Variants in WSCD1 observed in about 807,000 individuals in gnomAD.
The protein encoded by WSCD1 is WSC domain sialate O sulfotransferase 1, also known as sialate:O-sulfotransferase 1.
WSCD1 carries 41 observed loss-of-function variants against 60.4 expected under a neutral mutation model. The ratio of observed to expected loss-of-function variants is 0.68; its 90% CI spans 0.53 to 0.88. WSCD1 has a LOEUF of 0.88. Ranked by LOEUF, WSCD1 falls within the 40% of genes least tolerant of loss-of-function variation. WSCD1 has a pLI of 0.00. For synonymous variants in WSCD1, 361 were observed against 332.5 expected (o/e 1.09, Z -0.93); for missense variants, 784 against 796.2 (o/e 0.98, Z 0.18).
At position 6,109,906 on chromosome 17, in the gene WSCD1, A is replaced by G. The variant is rs376113742; in HGVS notation, c.1009+140A>G. 4.2e-6 allele frequency: 5 copies of G among 1,188,682 alleles called. No individual in the cohort carries two copies. In the African/African-American group the frequency reaches 4.6e-5, roughly 11 times the overall value. The allele number at this position is 1,188,682 out of a possible 1,614,324, so 73.6% of individuals were successfully genotyped here. ...TCTGTGTAAAGGTCTTGGCATCTTG[A>G]TGGGTGTTGGAGATAATGGGGAGGG... On this transcript the variant is annotated intron_variant, in intron 6 of 8. Coordinates refer to ENST00000317744, the MANE Select transcript of WSCD1 (RefSeq NM_015253.2).
Position 6,080,889 on chromosome 17 carries a change from C to A in WSCD1, c.231C>A (p.Val77=). Residue 77 remains valine, a synonymous_variant, in exon 2 of 9, where the codon GTC becomes GTA. Transcript: ENST00000317744. The surrounding 1 kb of genome is among the most constrained non-coding windows in gnomAD (Gnocchi z 6.6). ...LDSRALHDPR[V]SPELLLGVDM... is the part of the protein sequence containing the mutation. ...GCAGAGCCCTGCACGACCCTCGAGT[C>A]AGCCCAGAGCTGCTGCTGGGTGTGG... is the stretch of plus-strand genomic sequence containing the variant. 6.2e-7 allele frequency: 1 copy of A among 1,601,536 alleles called. No individual in the cohort carries two copies. Among genetic ancestry groups the A allele is most frequent in the South Asian group, 1.1e-5 (1 of 89,770 alleles).
At chr17:6,072,158 G>A (rs1432655043) in intron 1 of WSCD1, among the ~76,000 whole-genome samples, 2 of 152,266 alleles carry the variant, frequency 1.3e-5, no homozygotes, top group Admixed American at 1.3e-4. Context: ...ATGGGGTACT[G>A]CCCTGTGGCC....
At chr17:6,092,906 C>A (rs1213458190) in intron 4 of WSCD1, among the ~76,000 whole-genome samples, 1 of 149,004 alleles carries the variant, frequency 6.7e-6, no homozygotes, top group Non-Finnish European at 1.5e-5. Flanking sequence ...GGCTGTGGAG[C>A]CCCCCGTGAG....
Position 6,118,317 on chromosome 17 carries a change from A to C in WSCD1, c.1375+129A>C. The C allele has an allele frequency of 1.0e-6, 1 of 983,100 alleles. No homozygotes were observed. The highest frequency in any genetic ancestry group is 1.5e-6 in the Non-Finnish European group (1 of 666,854). 60.9% of individuals were successfully genotyped at this position (983,100 alleles called of 1,614,324 possible). A position where few individuals can be genotyped will look rare whatever the true frequency, so the allele number is the denominator to read the frequency against. ...GATCAGTATACACAGGTAGGCACTC[A>C]AACCCCATCCTGCTAGGGACTTAGT... On this transcript the variant is annotated intron_variant, in intron 8 of 8. Transcript: ENST00000317744. The surrounding 1 kb of genome is among the most constrained non-coding windows in gnomAD (Gnocchi z 5.8).
chr17:6,103,265 G>A (rs1910904819), intron 5 of WSCD1, among the ~76,000 whole-genome samples: 1 of 152,192 alleles, frequency 6.6e-6, no homozygotes, highest in Non-Finnish European at 1.5e-5. Flanking sequence ...AGTAGCAAGT[G>A]TTCCAGACAA....
intron 1 of WSCD1, among the ~76,000 whole-genome samples, chr17:6,074,677 C>T (rs2150525755): frequency 6.6e-6 from 1 of 152,314 alleles, no homozygotes; most frequent in East Asian, 1.9e-4. Flanking sequence ...ACCTTGATGG[C>T]CTGAAGCATT....
intron 4 of WSCD1, among the ~76,000 whole-genome samples, chr17:6,091,083 G>A (rs1363708499): frequency 6.6e-6 from 1 of 152,002 alleles, no homozygotes; most frequent in African/African-American, 2.4e-5. Flanking sequence ...TAGTAGAGAC[G>A]GGGTTTCACC....
intron 7 of WSCD1, among the ~76,000 whole-genome samples, chr17:6,114,093 G>A (rs574890067): frequency 2.5e-4 from 35 of 141,304 alleles, no homozygotes; most frequent in African/African-American, 9.1e-4. Flanking sequence ...ATCAACCTTA[G>A]TATCTATCAA....
intron 2 of WSCD1, 44 bp from the exon 3 acceptor site, chr17:6,087,946 T>C (rs1282632977): frequency 6.6e-7 from 1 of 1,509,954 alleles, no homozygotes. Flanking sequence ...GGTGGGCCCA[T>C]GATTCCTGGG....
chr17:6,081,839 G>A (rs1355789014), intron 2 of WSCD1: 1 of 152,170 alleles, frequency 6.6e-6, no homozygotes, highest in Non-Finnish European at 1.5e-5. Flanking sequence ...CACAAAGTGG[G>A]GTCCCTGACC....
Position 6,123,166 on chromosome 17 carries a change from G to GTA in WSCD1, c.*2507_*2508dup, listed in dbSNP as rs770601637. The GTA allele has an allele frequency of 2.6e-5, 4 of 152,218 alleles. No individual in the cohort carries two copies. The highest frequency in any genetic ancestry group is 4.4e-5 in the Non-Finnish European group (3 of 68,064). The allele number at this position is 152,218 out of a possible 1,614,324, so 9.4% of individuals were successfully genotyped here. A position where few individuals can be genotyped will look rare whatever the true frequency, so the allele number is the denominator to read the frequency against. On this transcript the variant is annotated 3_prime_UTR_variant, in exon 9 of 9. Coordinates refer to ENST00000317744, the MANE Select transcript of WSCD1 (RefSeq NM_015253.2). ...CCAGCCAAGGAATAAAAGCTGATCTGTATGTAGGGCAGAAGTGTGGCAAAT... is the reference window on the plus strand; with the variant it reads ...CCAGCCAAGGAATAAAAGCTGATCTGTATATGTAGGGCAGAAGTGTGGCAAAT...
intron 8 of WSCD1, among the ~76,000 whole-genome samples, chr17:6,119,535 G>C (rs1380100169): frequency 6.6e-6 from 1 of 152,362 alleles, no homozygotes; most frequent in African/African-American, 2.4e-5. Flanking sequence ...CTGTCCACTT[G>C]TTACTGGATC....
intron 5 of WSCD1, 96 bp from the exon 6 acceptor site, chr17:6,109,511 G>C: frequency 6.7e-7 from 1 of 1,502,502 alleles, no homozygotes. Context: ...GATACAGCTG[G>C]CAATACATCG....
Position 6,080,483 on chromosome 17 carries a change from G to A in WSCD1, c.-176G>A, listed in dbSNP as rs539450676. 2 of 635,366 alleles carry A rather than the reference G, an allele frequency of 3.1e-6. No homozygotes were observed. The highest frequency in any genetic ancestry group is 5.4e-6 in the Non-Finnish European group (2 of 370,278). 39.4% of individuals were successfully genotyped at this position (635,366 alleles called of 1,614,324 possible). On this transcript the variant is annotated 5_prime_UTR_variant, in exon 2 of 9. Transcript: ENST00000317744. This position sits in a 1 kb window ranked among gnomAD's most constrained non-coding sequence, Gnocchi z 6.6. ...GTGGCCACTGGAGATAAGTAATGGTGCCATTTGAACACCTACTGGAAACGG... is the reference window on the plus strand; with the variant it reads ...GTGGCCACTGGAGATAAGTAATGGTACCATTTGAACACCTACTGGAAACGG...
At chr17:6,116,636 A>T (rs796493113) in intron 7 of WSCD1, among the ~76,000 whole-genome samples, 81 of 152,364 alleles carry the variant, frequency 5.3e-4, no homozygotes, top group African/African-American at 1.9e-3. Flanking sequence ...GTTTGACAGA[A>T]TGAATCAAAG....
At position 6,072,416 on chromosome 17, in the gene WSCD1, G is replaced by A. The variant is rs1210483361; in HGVS notation, c.-289+1764G>A. 6.6e-5 allele frequency among the ~76,000 whole-genome samples: 10 copies of A among 152,196 alleles called. No individual in the cohort carries two copies. The East Asian group carries it at 1.7e-3, about 26-fold the overall frequency. On this transcript the variant is annotated intron_variant, in intron 1 of 8. Transcript: ENST00000317744. ...GAGCCTCTGAATCCAGAGCCTCCAG[G>A]CCCTGATGGAACCCCTCCGAGCAGG...
chr17:6,081,713 G>GAA (rs199907884), intron 2 of WSCD1, among the ~76,000 whole-genome samples: 1 of 142,288 alleles, frequency 7.0e-6, no homozygotes, highest in Non-Finnish European at 1.6e-5. Flanking sequence ...TCAAAAAAAA[G>GAA]AAAAAAAAAA....
At chr17:6,100,656 C>T (rs1251498400) in intron 5 of WSCD1, among the ~76,000 whole-genome samples, 2 of 152,202 alleles carry the variant, frequency 1.3e-5, no homozygotes, top group East Asian at 3.9e-4. Flanking sequence ...GGATATTACT[C>T]ATGTTGGGAT....
chr17:6,073,318 C>T (rs1353167021), intron 1 of WSCD1, among the ~76,000 whole-genome samples: 1 of 152,126 alleles, frequency 6.6e-6, no homozygotes, highest in Non-Finnish European at 1.5e-5. Flanking sequence ...AATAAGTAAA[C>T]AAAATAAGAT....
Sources: gnomAD v4.1 joint callset for allele counts (sites outside exome capture counted in the v4.1 genomes callset) on GRCh38, gnomAD v4.1.1 for gene constraint, Gnocchi (gnomAD v3.1) non-coding constraint, MANE v1.5 for transcripts, NCBI Gene and HGNC (gene_info 2026-07-23, HGNC 2026-07-21) for gene names.